The following TMTC2 variants were observed in gnomAD, a reference collection of about 807,000 sequenced individuals.
TMTC2 encodes protein O-mannosyl-transferase TMTC2.
A neutral mutation model predicts 82.4 loss-of-function variants in TMTC2; 43 were observed. The ratio of observed to expected loss-of-function variants is 0.52; its 90% CI spans 0.41 to 0.67. The LOEUF is 0.67. Ranked by LOEUF, TMTC2 falls within the 30% of genes least tolerant of loss-of-function variation. The pLI is 0.00. For missense variants in TMTC2, 919 were observed against 1,012.4 expected, an observed-to-expected ratio of 0.91 and a Z score of 1.25; for synonymous variants, 408 against 381.9, an observed-to-expected ratio of 1.07 and a Z score of -0.80.
intron 1 of TMTC2, among the ~76,000 whole-genome samples, chr12:82,794,316 A>G (rs1878611144): frequency 6.6e-6 from 1 of 152,106 alleles, no homozygotes; most frequent in Non-Finnish European, 1.5e-5. Flanking sequence ...CTTGAAAGGT[A>G]TAAATGATGC....
At chr12:82,859,527 C>G (rs151221602) in intron 2 of TMTC2, among the ~76,000 whole-genome samples, 1 of 152,170 alleles carries the variant, frequency 6.6e-6, no homozygotes, top group Non-Finnish European at 1.5e-5. Flanking sequence ...TGCAGTACTC[C>G]TTCCTAGAAA....
At chr12:83,001,051 C>A (rs1879897132) in intron 8 of TMTC2, among the ~76,000 whole-genome samples, 1 of 152,090 alleles carries the variant, frequency 6.6e-6, no homozygotes, top group Non-Finnish European at 1.5e-5. Context: ...ACTCACAAAA[C>A]CACTTTTTCC....
At chr12:82,818,004 A>G (rs768555789) in intron 1 of TMTC2, among the ~76,000 whole-genome samples, 3 of 152,170 alleles carry the variant, frequency 2.0e-5, no homozygotes, top group Non-Finnish European at 4.4e-5. Context: ...CTTTAAAGGA[A>G]GGAATGAGCT....
chr12:82,966,699 C>T (rs545634877), intron 6 of TMTC2, among the ~76,000 whole-genome samples: 20 of 152,186 alleles, frequency 1.3e-4, no homozygotes, highest in East Asian at 7.7e-4. Context: ...TTCGATGCCT[C>T]GTTAAGCTAT....
intron 10 of TMTC2, among the ~76,000 whole-genome samples, chr12:83,059,440 TTC>T (rs1224750639): frequency 6.6e-6 from 1 of 151,746 alleles, no homozygotes; most frequent in African/African-American, 2.4e-5. Context: ...CCCTACAGTT[TTC>T]CATGTTCTGC....
At chr12:83,119,655 T>C (rs1884885518) in intron 11 of TMTC2, among the ~76,000 whole-genome samples, 1 of 152,208 alleles carries the variant, frequency 6.6e-6, no homozygotes, top group African/African-American at 2.4e-5. Flanking sequence ...ATCTGTTAAG[T>C]CCATTTCTTC....
intron 7 of TMTC2, among the ~76,000 whole-genome samples, chr12:82,981,681 A>T (rs1324635185): frequency 6.6e-6 from 1 of 151,914 alleles, no homozygotes; most frequent in Non-Finnish European, 1.5e-5. Flanking sequence ...GTTAAGAAAA[A>T]TTACGGTACC....
rs66859423 is a variant in TMTC2, at chr12:82,845,226, C to CAAA, written c.84-11759_84-11757dup. On this transcript the variant is annotated intron_variant, in intron 1 of 11. Transcript: ENST00000321196. The stretch of plus-strand genomic sequence containing the variant: ...CCTGGGTGACAGAGCGTGACTGTCT[C>CAAA]AAAAAAAAAAAAAAAAAAAAAAAAA... 8.8e-3 allele frequency among the ~76,000 whole-genome samples: 399 copies of CAAA among 45,556 alleles called. 46 individuals carry two copies. Among genetic ancestry groups the CAAA allele is most frequent in the African/African-American group, 0.013 (124 of 9,844 alleles). The allele number at this position is 45,556 out of a possible 152,430, so 29.9% of individuals were successfully genotyped here.
intron 4 of TMTC2, among the ~76,000 whole-genome samples, chr12:82,945,295 A>G (rs1290583716): frequency 6.6e-6 from 1 of 152,226 alleles, no homozygotes; most frequent in Non-Finnish European, 1.5e-5. Flanking sequence ...TATTCATTCA[A>G]GAGTGTAGAG....
At chr12:82,957,498 A>G (rs1226041421) in intron 4 of TMTC2, among the ~76,000 whole-genome samples, 2 of 152,150 alleles carry the variant, frequency 1.3e-5, no homozygotes, top group Non-Finnish European at 2.9e-5. Context: ...CTAACTGCAA[A>G]GGCAGAAGAA....
chr12:82,793,307 A>T (rs949815980), intron 1 of TMTC2, among the ~76,000 whole-genome samples: 4 of 151,006 alleles, frequency 2.6e-5, no homozygotes, highest in African/African-American at 9.7e-5. Context: ...TTTCATTTAC[A>T]TGTCCCATTT....
At chr12:82,820,985 A>G (rs570158401) in intron 1 of TMTC2, among the ~76,000 whole-genome samples, 1 of 151,802 alleles carries the variant, frequency 6.6e-6, no homozygotes, top group African/African-American at 2.4e-5. Flanking sequence ...CCACTTCTGG[A>G]GTAGCTAGGA....
At chr12:82,929,476 G>C (rs964109794) in intron 3 of TMTC2, among the ~76,000 whole-genome samples, 1 of 152,162 alleles carries the variant, frequency 6.6e-6, no homozygotes, top group African/African-American at 2.4e-5. Context: ...AAATTTCTTA[G>C]AGGCACACAG....
At chr12:82,825,570 C>T (rs1299253267) in intron 1 of TMTC2, among the ~76,000 whole-genome samples, 3 of 152,146 alleles carry the variant, frequency 2.0e-5, no homozygotes, top group South Asian at 4.1e-4. Flanking sequence ...AATCCCTTCT[C>T]TTGTAGGCAG....
chr12:83,055,874 T>A (rs1882525013), intron 10 of TMTC2, among the ~76,000 whole-genome samples: 1 of 152,020 alleles, frequency 6.6e-6, no homozygotes, highest in South Asian at 2.1e-4. Context: ...AAGTAAACGT[T>A]ATAAATCTTC....
At chr12:82,718,776 C>T (rs76143656) in intron 1 of TMTC2, among the ~76,000 whole-genome samples, 6,310 of 151,838 alleles carry the variant, frequency 0.042, 250 homozygotes, top group East Asian at 0.12. Context: ...AAATTTAACT[C>T]CTCATAGGAA....
rs1431450154 is a variant in TMTC2, at chr12:82,763,944, A to G, written c.83+76275A>G. 2.6e-5 allele frequency among the ~76,000 whole-genome samples: 4 copies of G among 152,340 alleles called. No individual in the cohort carries two copies. The South Asian group carries it at 8.3e-4, about 32-fold the overall frequency. ...AGAAAACCACAGCCCAATCTCACTC[A>G]TGAATACAGGTACAAAAATAAACTA... is the stretch of plus-strand genomic sequence containing the variant. On this transcript the variant is annotated intron_variant, in intron 1 of 11. Coordinates refer to ENST00000321196, the MANE Select transcript of TMTC2 (RefSeq NM_152588.3).
At chr12:82,989,204 T>C (rs551750105) in intron 8 of TMTC2, among the ~76,000 whole-genome samples, 1 of 151,946 alleles carries the variant, frequency 6.6e-6, no homozygotes, top group African/African-American at 2.4e-5. Context: ...AATCATCTTA[T>C]ATGCAAACAA....
chr12:82,997,352 A>G (rs551189995), intron 8 of TMTC2, among the ~76,000 whole-genome samples: 632 of 20,856 alleles, frequency 0.03, 60 homozygotes, highest in African/African-American at 0.033. Flanking sequence ...GTGTGTGTAT[A>G]TATATATATA....
Sources: gnomAD v4.1 joint callset for allele counts (sites outside exome capture counted in the v4.1 genomes callset) on GRCh38, gnomAD v4.1.1 for gene constraint, MANE v1.5 for transcripts, NCBI Gene and HGNC (gene_info 2026-07-23, HGNC 2026-07-21) for gene names.